The following TMPRSS6 variants were observed in gnomAD, a reference collection of about 807,000 sequenced individuals.
TMPRSS6 encodes transmembrane serine protease 6, also known as transmembrane protease serine 6.
Under a neutral mutation model 101.5 loss-of-function variants are expected in TMPRSS6, and 67 were observed. The ratio of observed to expected loss-of-function variants is 0.66; its 90% CI spans 0.54 to 0.81. TMPRSS6 has a LOEUF of 0.81. Among genes scored for constraint, TMPRSS6 ranks in the 30% least tolerant of loss-of-function variants. TMPRSS6 has a pLI of 0.00. For missense variants in TMPRSS6, 1,034 were observed against 1,088.7 expected (o/e 0.95, Z 0.71); for synonymous variants, 453 against 464.9 (o/e 0.97, Z 0.33).
chr22:37,079,307 G>A (rs944453750), intron 10 of TMPRSS6, among the ~76,000 whole-genome samples: 3 of 152,222 alleles, frequency 2.0e-5, no homozygotes, highest in Non-Finnish European at 4.4e-5. Flanking sequence ...GCACCGTGTG[G>A]CCTGCCTTGC....
At chr22:37,095,629 C>CAAACAAAAAAA in intron 5 of TMPRSS6, 37 bp from the exon 6 acceptor site, 1 of 1,176,576 alleles carries the variant, frequency 8.5e-7, no homozygotes, top group South Asian at 1.6e-5. Flanking sequence ...TAAACAAGAA[C>CAAACAAAAAAA]AAAAAAAAAA....
At chr22:37,080,901 G>A (rs759923135) in intron 10 of TMPRSS6, among the ~76,000 whole-genome samples, 1 of 152,268 alleles carries the variant, frequency 6.6e-6, no homozygotes, top group Non-Finnish European at 1.5e-5. Context: ...GGGAAGAATC[G>A]CACACGTGGA....
In TMPRSS6 at chr22:37,089,786, G is replaced by A. The variant is rs745395199; in HGVS notation, c.632-4C>T. ...ACGTAGCTGTAGCGGTAACAACCTG[G>A]AGCGGGGAGAGGGGCACAGCCCCTG... On this transcript the variant is annotated splice_polypyrimidine_tract_variant and splice_region_variant and intron_variant, in intron 6 of 17. Coordinates refer to ENST00000676104, the MANE Select transcript of TMPRSS6 (RefSeq NM_001374504.1). 5.6e-6 allele frequency: 9 copies of A among 1,610,764 alleles called. No individual in the cohort carries two copies. Among genetic ancestry groups the A allele is most frequent in the Non-Finnish European group, 6.8e-6 (8 of 1,179,230 alleles).
Position 37,066,089 on chromosome 22 carries a change from C to A in TMPRSS6, c.2400G>T (p.Val800=). The A allele has an allele frequency of 6.2e-7, 1 of 1,613,636 alleles. No individual in the cohort carries two copies. The highest frequency in any genetic ancestry group is 1.1e-5 in the South Asian group (1 of 91,086). The change falls in exon 18 of 18, where the codon GTG becomes GTT. Residue 800 remains valine (V), a synonymous_variant. Transcript: ENST00000676104. ...ITGVISWIQQ[V]VT ...GCAGGGGGGCAGTTCCTCAGGTCACCACTTGCTGGATCCAGCTGATCACAC... is the reference window on the plus strand; with the variant it reads ...GCAGGGGGGCAGTTCCTCAGGTCACAACTTGCTGGATCCAGCTGATCACAC...
In TMPRSS6 at chr22:37,069,356, TGGG is replaced by T; in HGVS notation, c.1842-15_1842-13del. Reference sequence around the variant, plus strand: ...CCGTGGAGGCCATGCTGGGGTGGGGTGGGGTGGGGTGGGGTGGGGTGAGGTGAG... The same window carrying T: ...CCGTGGAGGCCATGCTGGGGTGGGGTGTGGGGTGGGGTGGGGTGAGGTGAG... On this transcript the variant is annotated splice_polypyrimidine_tract_variant and intron_variant, in intron 15 of 17. Transcript: ENST00000676104. The surrounding 1 kb of genome is among the most constrained non-coding windows in gnomAD (Gnocchi z 4.8). 3 of 123,272 alleles carry T rather than the reference TGGG, an allele frequency of 2.4e-5. No homozygotes were observed. The highest frequency in any genetic ancestry group is 1.5e-5 in the Non-Finnish European group (1 of 67,604). 7.6% of individuals were successfully genotyped at this position (123,272 alleles called of 1,614,324 possible). A position where few individuals can be genotyped will look rare whatever the true frequency, so the allele number is the denominator to read the frequency against.
intron 2 of TMPRSS6, among the ~76,000 whole-genome samples, chr22:37,099,969 G>T (rs1198659515): frequency 6.6e-6 from 1 of 152,032 alleles, no homozygotes; most frequent in African/African-American, 2.4e-5. Context: ...TTTTGTTTTT[G>T]TTTTGTTTTG....
chr22:37,072,468 TG>T (rs1359710518), intron 13 of TMPRSS6, among the ~76,000 whole-genome samples: 12 of 133,056 alleles, frequency 9.0e-5, no homozygotes, highest in Non-Finnish European at 9.6e-5. Flanking sequence ...GATGGATGGA[TG>T]GATGGATGGA....
Position 37,072,438 on chromosome 22 carries a change from TGATG to T in TMPRSS6, c.1555+1090_1555+1093del, listed in dbSNP as rs1190771538. Among the ~76,000 whole-genome samples, 68 of 119,698 alleles carry T rather than the reference TGATG, an allele frequency of 5.7e-4. 1 individual carries two copies. Among genetic ancestry groups the T allele is most frequent in the African/African-American group, 1.9e-3 (56 of 29,502 alleles). 78.5% of individuals were successfully genotyped at this position (119,698 alleles called of 152,430 possible). On this transcript the variant is annotated intron_variant, in intron 13 of 17. Transcript: ENST00000676104. ...GATGATGGATTGATGGATTGATGGA[TGATG>T]GATGGATGGATGATGGATGGATGGA...
chr22:37,093,384 C>CTTTTTTTTTTTTTTT (rs67659825), intron 6 of TMPRSS6, among the ~76,000 whole-genome samples: 26 of 82,566 alleles, frequency 3.1e-4, no homozygotes, highest in African/African-American at 1.2e-3. Flanking sequence ...TTCTTTCTTT[C>CTTTTTTTTTTTTTTT]TTTTTTTTTT....
chr22:37,099,245 C>G (rs965684254), intron 2 of TMPRSS6, among the ~76,000 whole-genome samples: 6 of 152,174 alleles, frequency 3.9e-5, no homozygotes, highest in Non-Finnish European at 1.5e-5. Context: ...GCAGAGGGAG[C>G]AGCATGGGGC....
At chr22:37,096,807 G>T in intron 3 of TMPRSS6, 92 bp from the exon 4 acceptor site, 1 of 1,252,464 alleles carries the variant, frequency 8.0e-7, no homozygotes, top group Non-Finnish European at 1.1e-6. Context: ...CCTACTGGCA[G>T]CCCCGCTCCA....
intron 6 of TMPRSS6, among the ~76,000 whole-genome samples, chr22:37,091,511 C>T (rs1337003808): frequency 6.6e-6 from 1 of 152,178 alleles, no homozygotes; most frequent in Non-Finnish European, 1.5e-5. Context: ...AGCACCAACA[C>T]TCATCAGCTG....
At position 37,066,828 on chromosome 22, in the gene TMPRSS6, G is replaced by C. The variant is rs1926334114; in HGVS notation, c.2248C>G (p.Gln750Glu). 2 of 1,614,048 alleles carry C rather than the reference G, an allele frequency of 1.2e-6. No individual in the cohort carries two copies. Among genetic ancestry groups the C allele is most frequent in the Non-Finnish European group, 1.7e-6 (2 of 1,180,026 alleles). Residue 750 changes from glutamine to glutamate, a missense_variant and splice_region_variant, in exon 17 of 18, where the codon CAG becomes GAG. Gln to Glu is a conservative substitution (Grantham distance 29, BLOSUM62 2). Transcript: ENST00000676104. ...GYRKGKKDAC[Q>E]GDSGGPLVCK... is the part of the protein sequence containing the mutation. The stretch of plus-strand genomic sequence containing the variant: ...CCTCCCATGCCCGGGGGACTCACCT[G>C]ACAGGCATCCTTCTTGCCCTTGCGG...
chr22:37,091,665 C>T (rs1336638270), intron 6 of TMPRSS6, among the ~76,000 whole-genome samples: 2 of 152,236 alleles, frequency 1.3e-5, no homozygotes, highest in African/African-American at 4.8e-5. Context: ...AGTAATAACT[C>T]TGACTTACTA....
rs770790879 is a variant in TMPRSS6, at chr22:37,069,087, G to A, written c.2099C>T (p.Ala700Val). The A allele has an allele frequency of 1.4e-5, 22 of 1,544,930 alleles. No homozygotes were observed. The Middle Eastern group carries it at 7.8e-4, about 54-fold the overall frequency. ...GLHCWITGWGALREGGPISNA... is the reference protein window; with the variant it reads ...GLHCWITGWGVLREGGPISNA... ...CCGCTGCTCACCGCCCTCGCGCAAG[G>A]CGCCCCAGCCCGTAATCCAGCAGTG... Residue 700 changes from alanine (A) to valine (V), a missense_variant, in exon 16 of 18, where the codon GCC becomes GTC. Transcript: ENST00000676104. The surrounding 1 kb of genome is among the most constrained non-coding windows in gnomAD (Gnocchi z 4.8).
At position 37,103,492 on chromosome 22, in the gene TMPRSS6, C is replaced by T. The variant is rs1930509040; in HGVS notation, c.-1-74G>A. ...GAGCCTCTGCTGAGCACCGGTGGGGCACGGAAGCAGGACTTCCCTGCCTTT... is the reference window on the plus strand; with the variant it reads ...GAGCCTCTGCTGAGCACCGGTGGGGTACGGAAGCAGGACTTCCCTGCCTTT... On this transcript the variant is annotated intron_variant, in intron 1 of 17. Transcript: ENST00000676104. The surrounding 1 kb of genome is among the most constrained non-coding windows in gnomAD (Gnocchi z 4.4). 6.2e-7 allele frequency: 1 copy of T among 1,614,094 alleles called. No individual in the cohort carries two copies. Among genetic ancestry groups the T allele is most frequent in the African/African-American group, 1.3e-5 (1 of 74,936 alleles).
intron 13 of TMPRSS6, 113 bp from the exon 14 acceptor site, chr22:37,071,145 G>C: frequency 4.2e-6 from 4 of 955,214 alleles, no homozygotes; most frequent in Non-Finnish European, 4.9e-6. Flanking sequence ...GAGGTGACTA[G>C]AGAGTCTTTT....
intron 10 of TMPRSS6, among the ~76,000 whole-genome samples, chr22:37,076,375 G>T (rs1052838909): frequency 7.2e-5 from 11 of 152,154 alleles, no homozygotes; most frequent in Admixed American, 2.6e-4. Context: ...CACGGGGTGG[G>T]ACCACCCCCA....
chr22:37,066,056 C>T lies in TMPRSS6; in HGVS notation c.*24G>A, dbSNP rs182366825. ...GGCTCTCTGAGTCCAGGAGGTGGGC[C>T]CTGCTTTGCAGGGGGGCAGTTCCTC... On this transcript the variant is annotated 3_prime_UTR_variant, in exon 18 of 18. Coordinates refer to ENST00000676104, the MANE Select transcript of TMPRSS6 (RefSeq NM_001374504.1). 1.2e-5 allele frequency: 19 copies of T among 1,613,316 alleles called. No individual in the cohort carries two copies. The East Asian group carries it at 3.6e-4, about 30-fold the overall frequency.
Sources: allele counts gnomAD v4.1 joint callset (sites outside exome capture counted in the v4.1 genomes callset), GRCh38; gene constraint gnomAD v4.1.1; non-coding constraint Gnocchi (gnomAD v3.1); transcripts MANE v1.5; gene names NCBI Gene and HGNC (gene_info 2026-07-23, HGNC 2026-07-21).